Variants in ADARB2 observed in about 807,000 individuals in gnomAD.
ADARB2 encodes inactive double-stranded RNA-specific editase B2.
A neutral mutation model predicts 62.2 loss-of-function variants in ADARB2; 25 were observed. The ratio of observed to expected loss-of-function variants is 0.40; its 90% confidence interval spans 0.29 to 0.56. The LOEUF is 0.56. Ranked by LOEUF, ADARB2 falls within the 20% of genes least tolerant of loss-of-function variation. The pLI is 0.43. For missense variants in ADARB2, 1,071 were observed against 1,077.4 expected, an observed-to-expected ratio of 0.99 and a Z score of 0.08; for synonymous variants, 572 against 500.8, an observed-to-expected ratio of 1.14 and a Z score of -1.90.
rs1347163694 is a variant in ADARB2 at position 1,259,421 on chromosome 10, AAGAG to A, written c.1192+11530_1192+11533del. On this transcript the variant is annotated intron_variant, in intron 4 of 9. Transcript: ENST00000381312. ...CTCTAGCAAGACTAATAAAGAAGAA[AAGAG>A]AGAAGAATCAAATAGATGCAATAAA... is the stretch of plus-strand genomic sequence containing the variant. Among the ~76,000 whole-genome samples the A allele has an allele frequency of 2.6e-5, 4 of 152,330 alleles. No individual in the cohort carries two copies. The East Asian group carries it at 7.7e-4, about 29-fold the overall frequency.
chr10:1,656,167 C>T (rs1488807309), intron 1 of ADARB2, among the ~76,000 whole-genome samples: 1 of 152,178 alleles, frequency 6.6e-6, no homozygotes, highest in African/African-American at 2.4e-5. Flanking sequence ...TACATCATAA[C>T]GTAATCTTTT....
intron 1 of ADARB2, among the ~76,000 whole-genome samples, chr10:1,647,281 G>A (rs1022185646): frequency 6.6e-6 from 1 of 152,136 alleles, no homozygotes; most frequent in Non-Finnish European, 1.5e-5. Flanking sequence ...TTTTCTGTTA[G>A]CTGTGATTTC....
In ADARB2 at chr10:1,356,513, C is replaced by T. The variant is rs138577299; in HGVS notation, c.1077+6515G>A. ...CCAGGACCCAGAACCTCAGCTTCAA[C>T]GAGGCTCTGCTTGTCCCCAGTGACT... On this transcript the variant is annotated intron_variant, in intron 3 of 9. Coordinates refer to ENST00000381312, the MANE Select transcript of ADARB2 (RefSeq NM_018702.4). Among the ~76,000 whole-genome samples the T allele has an allele frequency of 4.9e-4, 74 of 152,298 alleles. 1 individual carries two copies. Among genetic ancestry groups the T allele is most frequent in the African/African-American group, 1.6e-3 (65 of 41,574 alleles).
intron 2 of ADARB2, 85 bp downstream of exon 2, chr10:1,378,989 T>C: frequency 9.0e-7 from 1 of 1,117,040 alleles, no homozygotes; most frequent in South Asian, 1.3e-5. Context: ...TGACCCCAGG[T>C]ATCTCAGGTT....
At chr10:1,523,335 T>C (rs1050241343) in intron 1 of ADARB2, among the ~76,000 whole-genome samples, 1 of 152,158 alleles carries the variant, frequency 6.6e-6, no homozygotes, top group Non-Finnish European at 1.5e-5. Flanking sequence ...CAAGAGGACA[T>C]AGTCTCCACC....
chr10:1,685,692 G>A (rs923394021), intron 1 of ADARB2, among the ~76,000 whole-genome samples: 3 of 152,198 alleles, frequency 2.0e-5, no homozygotes, highest in African/African-American at 7.2e-5. Context: ...AAAGGGAGGC[G>A]ACGCAGGAGG....
intron 1 of ADARB2, among the ~76,000 whole-genome samples, chr10:1,411,713 C>T (rs546591216): frequency 8.0e-4 from 122 of 152,234 alleles, no homozygotes; most frequent in African/African-American, 2.3e-3. Flanking sequence ...AGAAGCGGAT[C>T]GAACCATCCG....
At chr10:1,475,464 G>A (rs118180155) in intron 1 of ADARB2, among the ~76,000 whole-genome samples, 2,024 of 152,294 alleles carry the variant, frequency 0.013, 25 homozygotes, top group Non-Finnish European at 0.021. Flanking sequence ...TCTGTGGGGA[G>A]GGGACAGCAG....
chr10:1,276,037 A>G (rs1421086164), intron 3 of ADARB2, among the ~76,000 whole-genome samples: 1 of 152,064 alleles, frequency 6.6e-6, no homozygotes, highest in Non-Finnish European at 1.5e-5. Flanking sequence ...TGGGATGGCT[A>G]GGTCAAATGG....
chr10:1,472,831 G>A (rs1380208127), intron 1 of ADARB2, among the ~76,000 whole-genome samples: 3 of 152,228 alleles, frequency 2.0e-5, no homozygotes, highest in African/African-American at 7.2e-5. Context: ...CAGGGCAGGA[G>A]AGGGCTCCCA....
At chr10:1,397,080 C>T (rs71494958) in intron 1 of ADARB2, among the ~76,000 whole-genome samples, 8 of 3,638 alleles carry the variant, frequency 2.2e-3, no homozygotes, top group Admixed American at 5.3e-3. Flanking sequence ...CCCTCCCGAG[C>T]GCAGGCTTCC....
chr10:1,481,061 C>T (rs957313166), intron 1 of ADARB2, among the ~76,000 whole-genome samples: 1 of 152,182 alleles, frequency 6.6e-6, no homozygotes, highest in African/African-American at 2.4e-5. Context: ...CACTTCCTGA[C>T]TTCAAAACGT....
intron 1 of ADARB2, among the ~76,000 whole-genome samples, chr10:1,395,674 C>T (rs929681911): frequency 1.3e-5 from 2 of 152,306 alleles, no homozygotes; most frequent in East Asian, 3.9e-4. Context: ...ATCCCTGCGA[C>T]GCAGACCATC....
intron 1 of ADARB2, among the ~76,000 whole-genome samples, chr10:1,711,454 A>C (rs1834948196): frequency 6.6e-6 from 1 of 152,222 alleles, no homozygotes; most frequent in Non-Finnish European, 1.5e-5. Context: ...GGGAGCACTG[A>C]GAATGTTGAT....
intron 1 of ADARB2, among the ~76,000 whole-genome samples, chr10:1,642,341 C>T (rs556789322): frequency 6.6e-6 from 1 of 152,184 alleles, no homozygotes; most frequent in Non-Finnish European, 1.5e-5. Context: ...TCCTGAAACC[C>T]GTGAACTTGG....
intron 1 of ADARB2, among the ~76,000 whole-genome samples, chr10:1,409,282 G>T (rs1832735045): frequency 4.1e-5 from 6 of 145,074 alleles, no homozygotes; most frequent in Admixed American, 2.8e-4. Context: ...CCTGACGGCG[G>T]GCTCCCACTT....
intron 3 of ADARB2, among the ~76,000 whole-genome samples, chr10:1,302,433 C>T (rs1468453057): frequency 8.5e-5 from 13 of 152,214 alleles, no homozygotes; most frequent in African/African-American, 2.4e-4. Context: ...AACTGCAAGG[C>T]GGCAGCGAGC....
At chr10:1,657,711 G>A (rs940599503) in intron 1 of ADARB2, among the ~76,000 whole-genome samples, 1 of 152,198 alleles carries the variant, frequency 6.6e-6, no homozygotes, top group Non-Finnish European at 1.5e-5. Flanking sequence ...GCAGGGTGCT[G>A]GAATCCGAGA....
At chr10:1,381,956 ATT>A (rs768939288) in intron 1 of ADARB2, among the ~76,000 whole-genome samples, 3 of 152,120 alleles carry the variant, frequency 2.0e-5, no homozygotes, top group Admixed American at 6.5e-5. Context: ...AATAACATGT[ATT>A]GCCCACTTGA....
Sources: allele counts gnomAD v4.1 joint callset (sites outside exome capture counted in the v4.1 genomes callset), GRCh38; gene constraint gnomAD v4.1.1; transcripts MANE v1.5; gene names NCBI Gene and HGNC (gene_info 2026-07-23, HGNC 2026-07-21).